Variants in ZC3H13 observed in about 807,000 individuals in gnomAD.
ZC3H13 encodes zinc finger CCCH domain-containing protein 13.
ZC3H13 carries 64 observed loss-of-function variants against 204.1 expected under a neutral mutation model. The ratio of observed to expected loss-of-function variants is 0.31; its 90% CI spans 0.26 to 0.39. The LOEUF (loss-of-function observed/expected upper bound fraction) is 0.39, where lower values mean the gene tolerates loss of function less well. ZC3H13 is among the 10% of genes least tolerant of loss of function. The pLI is 1.00. For missense variants in ZC3H13, 1,833 were observed against 2,082.7 expected (o/e 0.88, Z 2.33); for synonymous variants, 667 against 693.7 (o/e 0.96, Z 0.60).
intron 1 of ZC3H13, among the ~76,000 whole-genome samples, chr13:46,046,627 C>T (rs892562568): frequency 6.6e-6 from 1 of 150,996 alleles, no homozygotes; most frequent in African/African-American, 2.4e-5. Context: ...GAGATCACAC[C>T]ACCGCACTCC....
chr13:46,004,338 G>A (rs1593631146), intron 7 of ZC3H13, among the ~76,000 whole-genome samples: 5 of 152,082 alleles, frequency 3.3e-5, no homozygotes, highest in African/African-American at 1.2e-4. Flanking sequence ...TCAGGAGTTC[G>A]AGACCAGCCT....
intron 4 of ZC3H13, among the ~76,000 whole-genome samples, chr13:46,031,231 A>C (rs112825401): frequency 6.6e-6 from 1 of 152,102 alleles, no homozygotes; most frequent in Non-Finnish European, 1.5e-5. Flanking sequence ...AAATGCAAAA[A>C]AAATAAATAA....
chr13:45,986,501 C>T (rs1287765628), intron 9 of ZC3H13, among the ~76,000 whole-genome samples: 3 of 152,080 alleles, frequency 2.0e-5, no homozygotes, highest in Non-Finnish European at 4.4e-5. Context: ...AAAGCTGAAC[C>T]ACAGTGATTA....
At chr13:45,965,697 T>C (rs946515831) in intron 15 of ZC3H13, among the ~76,000 whole-genome samples, 3 of 152,108 alleles carry the variant, frequency 2.0e-5, no homozygotes, top group Non-Finnish European at 2.9e-5. Context: ...AATAAAAATA[T>C]GACAAATAAA....
At chr13:46,026,024 A>C (rs1352444550) in intron 4 of ZC3H13, among the ~76,000 whole-genome samples, 1 of 152,104 alleles carries the variant, frequency 6.6e-6, no homozygotes. Flanking sequence ...GAAATTTTGA[A>C]ATTATTCACA....
chr13:46,003,393 T>C, intron 7 of ZC3H13, 57 bp from the exon 8 acceptor site: 1 of 1,515,484 alleles, frequency 6.6e-7, no homozygotes, highest in Non-Finnish European at 8.9e-7. Context: ...GGATATTTTT[T>C]AAAGCCTTCT....
At chr13:45,971,946 C>A (rs1952618377) in intron 12 of ZC3H13, among the ~76,000 whole-genome samples, 1 of 151,864 alleles carries the variant, frequency 6.6e-6, no homozygotes. Context: ...TTAAAAACCA[C>A]AATGAGATGC....
intron 17 of ZC3H13, among the ~76,000 whole-genome samples, chr13:45,960,599 G>T (rs1951611113): frequency 6.6e-6 from 1 of 152,080 alleles, no homozygotes; most frequent in African/African-American, 2.4e-5. Flanking sequence ...AAAAACCCCA[G>T]AAGAATTAAG....
In ZC3H13 at chr13:45,957,044, G is replaced by A. The variant is rs1951310617; in HGVS notation, c.*83C>T. 3 of 1,187,734 alleles carry A rather than the reference G, an allele frequency of 2.5e-6. No individual in the cohort carries two copies. Among genetic ancestry groups the A allele is most frequent in the African/African-American group, 1.6e-5 (1 of 63,658 alleles). The allele number at this position is 1,187,734 out of a possible 1,614,324, so 73.6% of individuals were successfully genotyped here. A position where few individuals can be genotyped will look rare whatever the true frequency, so the allele number is the denominator to read the frequency against. ...AATCTTTTCTGCCTTTGTCACTAAT[G>A]CTTGTCAAACCAAAGAACTTTGCAA... is the stretch of plus-strand genomic sequence containing the variant. On this transcript the variant is annotated 3_prime_UTR_variant, in exon 19 of 19. Coordinates refer to ENST00000679008, the MANE Select transcript of ZC3H13 (RefSeq NM_001330564.2).
intron 9 of ZC3H13, 94 bp downstream of exon 9, chr13:45,988,693 A>T (rs1243673524): frequency 1.4e-6 from 2 of 1,388,118 alleles, no homozygotes; most frequent in Non-Finnish European, 1.9e-6. Context: ...GTTACAGAAG[A>T]CTTAACATAG....
intron 17 of ZC3H13, among the ~76,000 whole-genome samples, chr13:45,961,139 T>C (rs551262609): frequency 1.3e-5 from 2 of 152,284 alleles, no homozygotes; most frequent in Admixed American, 1.3e-4. Context: ...GGCAGTTTTT[T>C]CAGATGATTC....
intron 3 of ZC3H13, 55 bp downstream of exon 3, chr13:46,044,900 A>G: frequency 7.7e-7 from 1 of 1,302,384 alleles, no homozygotes; most frequent in Non-Finnish European, 1.0e-6. Flanking sequence ...ATACTAGATA[A>G]ATTACAAAAG....
Position 45,957,140 on chromosome 13 carries a change from A to C in ZC3H13, c.4997T>G (p.Leu1666Arg), listed in dbSNP as rs745451563. Residue 1666 changes from leucine (L) to arginine (R), a missense_variant, in exon 19 of 19, where the codon CTG becomes CGG. Transcript: ENST00000679008. ...KLSQSSIQQELCVS is the reference protein window; with the variant it reads ...KLSQSSIQQERCVS ...TGAACTTCGGTCTTAAGACACACAC[A>C]GTTCCTGTTGGATACTGGACTGTGA... 1.4e-5 allele frequency: 21 copies of C among 1,530,926 alleles called. No homozygotes were observed. The highest frequency in any genetic ancestry group is 1.8e-5 in the Non-Finnish European group (21 of 1,135,912). 94.8% of individuals were successfully genotyped at this position (1,530,926 alleles called of 1,614,324 possible).
At chr13:45,999,790 T>C (rs1015866962) in intron 8 of ZC3H13, among the ~76,000 whole-genome samples, 9 of 151,484 alleles carry the variant, frequency 5.9e-5, no homozygotes, top group Admixed American at 2.0e-4. Flanking sequence ...GGAATCACTA[T>C]CTATGGCAGT....
rs542593303 is a variant in ZC3H13 at position 46,018,173 on chromosome 13, A to G, written c.448+2276T>C. Reference sequence around the variant, plus strand: ...TTTTTCAAGAAAACAGGAGCTCTTGATGTGTCAAATGCTGCAGACGGCCAT... The same window carrying G: ...TTTTTCAAGAAAACAGGAGCTCTTGGTGTGTCAAATGCTGCAGACGGCCAT... On this transcript the variant is annotated intron_variant, in intron 5 of 18. Transcript: ENST00000679008. Among the ~76,000 whole-genome samples the G allele has an allele frequency of 2.1e-4, 23 of 108,920 alleles. No homozygotes were observed. In the South Asian group the frequency reaches 4.3e-3, roughly 20 times the overall value. The allele number at this position is 108,920 out of a possible 152,430, so 71.5% of individuals were successfully genotyped here.
At position 45,968,956 on chromosome 13, in the gene ZC3H13, C is replaced by T. The variant is rs776117434; in HGVS notation, c.3588G>A (p.Arg1196=). ...GACCAGACGTATGACTACGGTTACT[C>T]CGATTGCTCCCGAGGCTGCTGCTCC... is the stretch of plus-strand genomic sequence containing the variant. ...QKRSSSLGSN[R]SNRSHTSGRL... The change falls in exon 14 of 19, where the codon CGG becomes CGA. Residue 1196 remains arginine, a synonymous_variant. Coordinates refer to ENST00000679008, the MANE Select transcript of ZC3H13 (RefSeq NM_001330564.2). 1 of 1,614,194 alleles carries T rather than the reference C, an allele frequency of 6.2e-7. No individual in the cohort carries two copies. The highest frequency in any genetic ancestry group is 2.2e-5 in the East Asian group (1 of 44,884).
intron 1 of ZC3H13, among the ~76,000 whole-genome samples, chr13:46,049,557 A>C (rs1367445218): frequency 6.6e-6 from 1 of 152,214 alleles, no homozygotes; most frequent in Non-Finnish European, 1.5e-5. Context: ...TAACTTTAAA[A>C]ATCCCATTTA....
Position 45,969,470 on chromosome 13 carries a change from C to T in ZC3H13, c.3074G>A (p.Ser1025Asn). The change falls in exon 14 of 19, where the codon AGT becomes AAT. Residue 1025 changes from serine (S) to asparagine (N), a missense_variant. Ser to Asn is a conservative substitution (Grantham distance 46). Around this residue, in one of 5 missense-constraint regions of ZC3H13, gnomAD observed 1,574 missense variants for 1,757.2 expected, o/e 0.90. Transcript: ENST00000679008. The part of the protein sequence containing the change: ...DISDEEAAQQ[S>N]KKKRGPRTPP... ...AGTCCGTGGGCCTCTTTTCTTCTTA[C>T]TTTGCTGGGCTGCTTCTTCATCAGA... 1 of 1,611,298 alleles carries T rather than the reference C, an allele frequency of 6.2e-7. No individual in the cohort carries two copies. Among genetic ancestry groups the T allele is most frequent in the Non-Finnish European group, 8.5e-7 (1 of 1,179,372 alleles).
chr13:45,969,924 G>A lies in ZC3H13; in HGVS notation c.2620C>T (p.Arg874Cys), dbSNP rs267603832. The A allele has an allele frequency of 1.9e-6, 3 of 1,613,116 alleles. No homozygotes were observed. The highest frequency in any genetic ancestry group is 4.5e-5 in the East Asian group (2 of 44,866). Residue 874 changes from arginine to cysteine, a missense_variant, in exon 14 of 19, where the codon CGT (arginine) becomes TGT (cysteine). Transcript: ENST00000679008. ...LSQVVRPQES[R>C]SLSPSHLTED... The stretch of plus-strand genomic sequence containing the variant: ...GTGAGGTGCGAGGGACTAAGAGAAC[G>A]AGATTCTTGAGGTCGTACAACTTGG...
Sources: gnomAD v4.1 joint callset for allele counts (sites outside exome capture counted in the v4.1 genomes callset) on GRCh38, gnomAD v4.1.1 for gene constraint, gnomAD v4.1.1 regional missense constraint, MANE v1.5 for transcripts, NCBI Gene and HGNC (gene_info 2026-07-23, HGNC 2026-07-21) for gene names.